The following DENND5A variants were observed in gnomAD, a reference collection of about 807,000 sequenced individuals.
DENND5A encodes the protein DENN domain-containing protein 5A.
Under a neutral mutation model 140.3 loss-of-function variants are expected in DENND5A, and 64 were observed. The ratio of observed to expected loss-of-function variants is 0.46; its 90% CI spans 0.37 to 0.56. The LOEUF is 0.56. Ranked by LOEUF, DENND5A falls within the 20% of genes least tolerant of loss-of-function variation. The pLI, the probability that DENND5A is intolerant of heterozygous loss-of-function variation, is 0.00. For missense variants in DENND5A, 1,292 were observed against 1,593.8 expected (o/e 0.81, Z 3.22); for synonymous variants, 605 against 607.7 (o/e 1.00, Z 0.07).
chr11:9,173,303 T>C (rs1002444422), intron 8 of DENND5A, among the ~76,000 whole-genome samples: 1 of 152,182 alleles, frequency 6.6e-6, no homozygotes, highest in African/African-American at 2.4e-5. Context: ...CAGATGGAAG[T>C]ATGGATCTAC....
intron 11 of DENND5A, among the ~76,000 whole-genome samples, chr11:9,161,507 T>C (rs1847983911): frequency 6.6e-6 from 1 of 152,260 alleles, no homozygotes; most frequent in African/African-American, 2.4e-5. Context: ...TGATTCCCAC[T>C]GCTTAAATGA....
chr11:9,158,239 G>A (rs1213606415), intron 12 of DENND5A, among the ~76,000 whole-genome samples: 4 of 152,164 alleles, frequency 2.6e-5, no homozygotes, highest in Admixed American at 2.6e-4. Context: ...CCCAATGGAT[G>A]TGGGTACTTT....
rs1360101988 is a variant in DENND5A, at chr11:9,152,550, G to A, written c.2437-108C>T. 1.5e-5 allele frequency: 12 copies of A among 781,308 alleles called. No homozygotes were observed. The Admixed American group carries it at 2.3e-4, about 15-fold the overall frequency. 48.4% of individuals were successfully genotyped at this position (781,308 alleles called of 1,614,324 possible). A position where few individuals can be genotyped will look rare whatever the true frequency, so the allele number is the denominator to read the frequency against. On this transcript the variant is annotated intron_variant, in intron 12 of 22. Coordinates refer to ENST00000328194, the MANE Select transcript of DENND5A (RefSeq NM_015213.4). ...TAAAAAAATATATGTACTGTTTCTT[G>A]TTTCAATGTACATCCAGGACACAGT...
chr11:9,191,736 C>G (rs11042215), intron 5 of DENND5A, among the ~76,000 whole-genome samples: 26,629 of 152,158 alleles, frequency 0.18, 2,481 homozygotes, highest in Non-Finnish European at 0.21. Context: ...ACTGAGAAAT[C>G]TGGCTTCTTG....
chr11:9,177,440 G>A (rs1264800946), intron 8 of DENND5A, among the ~76,000 whole-genome samples: 2 of 151,508 alleles, frequency 1.3e-5, no homozygotes, highest in Non-Finnish European at 2.9e-5. Context: ...TCACTTGAAC[G>A]CAAAAATTGA....
chr11:9,212,993 T>C (rs923414169), intron 1 of DENND5A, among the ~76,000 whole-genome samples: 8 of 140,560 alleles, frequency 5.7e-5, no homozygotes, highest in Middle Eastern at 3.4e-3. Flanking sequence ...GTCAAGTTCC[T>C]GGTTCTGATT....
intron 1 of DENND5A, among the ~76,000 whole-genome samples, chr11:9,210,715 T>C (rs1299052954): frequency 6.6e-6 from 1 of 152,172 alleles, no homozygotes; most frequent in Admixed American, 6.5e-5. Context: ...AATTTTTTTG[T>C]AGAGTCAGGG....
chr11:9,258,345 C>T (rs1852042373), intron 1 of DENND5A, among the ~76,000 whole-genome samples: 1 of 120,214 alleles, frequency 8.3e-6, no homozygotes, highest in African/African-American at 3.2e-5. Context: ...TCTCATTGTT[C>T]AACTCCCACT....
rs375594512 is a variant in DENND5A, at chr11:9,150,737, T to C, written c.2549A>G (p.Lys850Arg). The change falls in exon 14 of 23, where the codon AAG becomes AGG. Residue 850 changes from lysine (K) to arginine (R), a missense_variant. By Grantham distance (26) the Lys-to-Arg change is conservative. Transcript: ENST00000328194. ...SGILLDSERR[K>R]SDASSLMPPL... ...AGGCATGAGTGAGCTGGCATCAGAC[T>C]TCCTACGTTCTGAATCAAGAAGTAT... is the stretch of plus-strand genomic sequence containing the variant. 1.5e-5 allele frequency: 24 copies of C among 1,613,330 alleles called. No homozygotes were observed. In the African/African-American group the frequency reaches 3.1e-4, roughly 21 times the overall value.
intron 1 of DENND5A, among the ~76,000 whole-genome samples, chr11:9,261,102 C>T (rs1852176770): frequency 6.6e-6 from 1 of 152,194 alleles, no homozygotes; most frequent in Non-Finnish European, 1.5e-5. Context: ...TCACCCACCT[C>T]AGCCTCCCAA....
intron 1 of DENND5A, among the ~76,000 whole-genome samples, chr11:9,262,987 C>T (rs1012487229): frequency 3.9e-5 from 6 of 152,076 alleles, no homozygotes; most frequent in South Asian, 2.1e-4. Context: ...GTGATCCGCC[C>T]GCCTCAGCCT....
chr11:9,142,307 C>A (rs1847272569), intron 21 of DENND5A, among the ~76,000 whole-genome samples, 199 bp from the exon 22 acceptor site: 2 of 152,102 alleles, frequency 1.3e-5, no homozygotes, highest in South Asian at 4.1e-4. Flanking sequence ...ATGTATGTGG[C>A]CCTTGATATA....
rs775181963 is a variant in DENND5A at position 9,178,182 on chromosome 11, G to A, written c.1856C>T (p.Pro619Leu). The A allele has an allele frequency of 1.2e-6, 2 of 1,614,142 alleles. No individual in the cohort carries two copies. Among genetic ancestry groups the A allele is most frequent in the Non-Finnish European group, 1.7e-6 (2 of 1,179,978 alleles). Residue 619 changes from proline to leucine, a missense_variant, in exon 8 of 23, where the codon CCT (proline) becomes CTT (leucine). Physicochemically the swap from Pro to Leu is moderately conservative, Grantham distance 98 (BLOSUM62 -3). Transcript: ENST00000328194. ...CTGGTACATGGATGTACGGAGAGTAGGTGTCCGAACATTCAACAGCCTGAT... is the reference window on the plus strand; with the variant it reads ...CTGGTACATGGATGTACGGAGAGTAAGTGTCCGAACATTCAACAGCCTGAT... ...DKIRLLNVRTPTLRTSMYQKC... is the reference protein window; with the variant it reads ...DKIRLLNVRTLTLRTSMYQKC...
intron 8 of DENND5A, among the ~76,000 whole-genome samples, chr11:9,174,516 CT>C (rs575928246): frequency 0.013 from 1,771 of 133,716 alleles, 25 homozygotes; most frequent in African/African-American, 0.038. Context: ...AAGGTTATTT[CT>C]TTTTTTTTTT....
chr11:9,139,565 C>T lies in DENND5A; in HGVS notation c.*106G>A. ...TAGTTTTCTTTTTACAGTGAGTGTACATTTTGTCTCCTACTCCTGCACAAT... is the reference window on the plus strand; with the variant it reads ...TAGTTTTCTTTTTACAGTGAGTGTATATTTTGTCTCCTACTCCTGCACAAT... On this transcript the variant is annotated 3_prime_UTR_variant, in exon 23 of 23. Coordinates refer to ENST00000328194, the MANE Select transcript of DENND5A (RefSeq NM_015213.4). The T allele has an allele frequency of 1.0e-6, 1 of 975,644 alleles. No individual in the cohort carries two copies. The highest frequency in any genetic ancestry group is 1.5e-6 in the Non-Finnish European group (1 of 667,434). 60.4% of individuals were successfully genotyped at this position (975,644 alleles called of 1,614,324 possible).
intron 1 of DENND5A, among the ~76,000 whole-genome samples, chr11:9,240,672 C>G (rs1473245085): frequency 2.6e-5 from 4 of 150,992 alleles, no homozygotes. Context: ...ATGGTGCCAC[C>G]GTACTCCAGC....
At chr11:9,194,701 A>G (rs944077344) in intron 4 of DENND5A, among the ~76,000 whole-genome samples, 4 of 151,426 alleles carry the variant, frequency 2.6e-5, no homozygotes, top group Non-Finnish European at 5.9e-5. Flanking sequence ...TATTTGGCTT[A>G]TCTTCAGAAT....
At position 9,150,146 on chromosome 11, in the gene DENND5A, C is replaced by G. The variant is rs1847566280; in HGVS notation, c.2670G>C (p.Leu890=). The G allele has an allele frequency of 6.2e-7, 1 of 1,613,870 alleles. No individual in the cohort carries two copies. The highest frequency in any genetic ancestry group is 1.7e-5 in the Admixed American group (1 of 59,998). The stretch of plus-strand genomic sequence containing the variant: ...TGGAAAGTAACTTTTTTTCCATGGA[C>G]AGTCGCACCCATGCTCTGGCCTTTC... ...DVGKARAWVR[L]SMEKKLLSRH... Residue 890 remains leucine, a synonymous_variant, in exon 15 of 23, where the codon CTG becomes CTC. Transcript: ENST00000328194.
intron 8 of DENND5A, chr11:9,172,316 C>T (rs545584745): frequency 6.6e-6 from 1 of 152,272 alleles, no homozygotes; most frequent in East Asian, 1.9e-4. Context: ...TGCTCAAAAT[C>T]AGTGATAAAA....
Sources: gnomAD v4.1 joint callset for allele counts (sites outside exome capture counted in the v4.1 genomes callset) on GRCh38, gnomAD v4.1.1 for gene constraint, MANE v1.5 for transcripts, NCBI Gene and HGNC (gene_info 2026-07-23, HGNC 2026-07-21) for gene names.